Variants in PLXDC2 observed in about 807,000 individuals in gnomAD.
PLXDC2 encodes plexin domain containing 2.
PLXDC2 carries 40 observed loss-of-function variants against 68.9 expected under a neutral mutation model. That is an observed-to-expected ratio of 0.58 (90% confidence interval 0.45 to 0.76). PLXDC2 has a LOEUF of 0.76. Among genes scored for constraint, PLXDC2 ranks in the 30% least tolerant of loss-of-function variants. PLXDC2 has a pLI of 0.00. For synonymous variants in PLXDC2, 243 were observed against 234.2 expected (o/e 1.04, Z -0.34); for missense variants, 644 against 661.9 (o/e 0.97, Z 0.30).
At chr10:20,182,321 T>C (rs1430810629) in intron 9 of PLXDC2, among the ~76,000 whole-genome samples, 1 of 151,992 alleles carries the variant, frequency 6.6e-6, no homozygotes, top group Non-Finnish European at 1.5e-5. Context: ...TTCTGCCCAA[T>C]CTACACCTAT....
chr10:20,145,875 T>C (rs1834070668), intron 5 of PLXDC2, among the ~76,000 whole-genome samples: 1 of 152,122 alleles, frequency 6.6e-6, no homozygotes, highest in South Asian at 2.1e-4. Flanking sequence ...TTTAACAACC[T>C]GCTACTAACA....
In PLXDC2 at chr10:20,001,968, C is replaced by T. The variant is rs919687779; in HGVS notation, c.306C>T (p.Asp102=). The T allele has an allele frequency of 2.5e-6, 4 of 1,612,260 alleles. No homozygotes were observed. Among genetic ancestry groups the T allele is most frequent in the Non-Finnish European group, 3.4e-6 (4 of 1,179,852 alleles). ...ACCTGCTGCTGGATGATGGGCAGGA[C>T]AATAACACTCAGATCGAGGTAGATA... ...FTDLLLDDGQ[D]NNTQIEEDTD... is the part of the protein sequence containing the mutation. Residue 102 remains aspartate, a synonymous_variant, in exon 2 of 14, where the codon GAC becomes GAT. Transcript: ENST00000377252.
At chr10:19,936,182 A>T (rs567118472) in intron 1 of PLXDC2, among the ~76,000 whole-genome samples, 1 of 152,310 alleles carries the variant, frequency 6.6e-6, no homozygotes, top group African/African-American at 2.4e-5. Flanking sequence ...ACCCAGATTT[A>T]AGAAGCAGGA....
In PLXDC2 at chr10:20,288,626, A is replaced by G. The variant is rs984397807; in HGVS notation, c.*8807A>G. 3.9e-5 allele frequency: 6 copies of G among 152,102 alleles called. No individual in the cohort carries two copies. Among genetic ancestry groups the G allele is most frequent in the Non-Finnish European group, 7.3e-5 (5 of 68,030 alleles). The allele number at this position is 152,102 out of a possible 1,614,324, so 9.4% of individuals were successfully genotyped here. A position where few individuals can be genotyped will look rare whatever the true frequency, so the allele number is the denominator to read the frequency against. ...ATATTAATGACCTAAGTTTGAATGT[A>G]TTTCCTTACAGTCCATTAATTTGAC... On this transcript the variant is annotated 3_prime_UTR_variant, in exon 14 of 14. Coordinates refer to ENST00000377252, the MANE Select transcript of PLXDC2 (RefSeq NM_032812.9).
chr10:20,286,929 G>T lies in PLXDC2; in HGVS notation c.*7110G>T, dbSNP rs1836160544. On this transcript the variant is annotated 3_prime_UTR_variant, in exon 14 of 14. Transcript: ENST00000377252. The stretch of plus-strand genomic sequence containing the variant: ...AGTAGAGACGGGGTTTCTCCATGCT[G>T]GTCAGGCTGGTCCCCAGCTCCCGAC... 6.6e-6 allele frequency: 1 copy of T among 152,198 alleles called. No homozygotes were observed. The highest frequency in any genetic ancestry group is 1.5e-5 in the Non-Finnish European group (1 of 68,112). 9.4% of individuals were successfully genotyped at this position (152,198 alleles called of 1,614,324 possible).
At chr10:19,820,645 A>AG (rs983353868) in intron 1 of PLXDC2, among the ~76,000 whole-genome samples, 3 of 151,794 alleles carry the variant, frequency 2.0e-5, no homozygotes, top group Admixed American at 6.6e-5. Context: ...CGTCTCAAAA[A>AG]AAAAAAAAAA....
intron 4 of PLXDC2, among the ~76,000 whole-genome samples, chr10:20,094,901 T>C (rs1247964963): frequency 6.6e-6 from 1 of 152,194 alleles, no homozygotes; most frequent in African/African-American, 2.4e-5. Flanking sequence ...TCTTCATTGA[T>C]TCAAGAAACA....
chr10:20,055,256 C>T (rs1008178467), intron 3 of PLXDC2, among the ~76,000 whole-genome samples: 14 of 152,078 alleles, frequency 9.2e-5, no homozygotes, highest in African/African-American at 3.4e-4. Flanking sequence ...ATTAAGTTTT[C>T]TGGAGGGTTC....
chr10:19,964,244 G>A (rs1202667474), intron 1 of PLXDC2, among the ~76,000 whole-genome samples: 2 of 152,150 alleles, frequency 1.3e-5, no homozygotes, highest in African/African-American at 2.4e-5. Context: ...TTGATTCTGG[G>A]GAGCCGGCTC....
chr10:20,037,878 T>C (rs1330323580), intron 2 of PLXDC2, among the ~76,000 whole-genome samples: 3 of 152,204 alleles, frequency 2.0e-5, no homozygotes, highest in African/African-American at 7.2e-5. Flanking sequence ...TAATGTGTTG[T>C]ACAGTATTCT....
chr10:19,880,589 G>C (rs1837709584), intron 1 of PLXDC2, among the ~76,000 whole-genome samples: 1 of 152,150 alleles, frequency 6.6e-6, no homozygotes, highest in African/African-American at 2.4e-5. Flanking sequence ...CAAAACTCGA[G>C]ATAAAAGGGA....
chr10:20,087,866 T>C (rs1309231681), intron 4 of PLXDC2, among the ~76,000 whole-genome samples: 1 of 152,160 alleles, frequency 6.6e-6, no homozygotes, highest in Non-Finnish European at 1.5e-5. Flanking sequence ...CCCTACCACT[T>C]CCAACATATT....
At chr10:20,118,105 TACACACACACAC>T (rs60160833) in intron 4 of PLXDC2, among the ~76,000 whole-genome samples, 30 of 146,812 alleles carry the variant, frequency 2.0e-4, no homozygotes, top group Admixed American at 4.7e-4. Context: ...CATATATGCC[TACACACACACAC>T]ACACACACAC....
At chr10:20,010,821 A>G (rs1355936185) in intron 2 of PLXDC2, among the ~76,000 whole-genome samples, 1 of 152,172 alleles carries the variant, frequency 6.6e-6, no homozygotes, top group Non-Finnish European at 1.5e-5. Flanking sequence ...TATGATCATC[A>G]CATCCAGTTC....
At chr10:19,828,765 G>A (rs913414846) in intron 1 of PLXDC2, among the ~76,000 whole-genome samples, 2 of 152,096 alleles carry the variant, frequency 1.3e-5, no homozygotes, top group African/African-American at 4.8e-5. Context: ...ATAAGAAGCT[G>A]ATTTTTTTTT....
chr10:20,083,582 A>G (rs1250378751), intron 4 of PLXDC2, among the ~76,000 whole-genome samples: 1 of 152,056 alleles, frequency 6.6e-6, no homozygotes, highest in African/African-American at 2.4e-5. Flanking sequence ...TCTGCAGTGT[A>G]TGTATTTGTT....
intron 9 of PLXDC2, among the ~76,000 whole-genome samples, chr10:20,189,693 C>T (rs924553892): frequency 6.6e-6 from 1 of 150,856 alleles, no homozygotes; most frequent in African/African-American, 2.4e-5. Context: ...AAAGATAGTA[C>T]TTGACTTACT....
At chr10:20,173,615 G>C (rs542730081) in intron 7 of PLXDC2, among the ~76,000 whole-genome samples, 126 of 152,266 alleles carry the variant, frequency 8.3e-4, no homozygotes, top group African/African-American at 2.9e-3. Context: ...GTGTTAATCC[G>C]CTCAGATTTA....
At chr10:20,195,201 C>G (rs1261106510) in intron 9 of PLXDC2, among the ~76,000 whole-genome samples, 1 of 152,056 alleles carries the variant, frequency 6.6e-6, no homozygotes, top group Non-Finnish European at 1.5e-5. Context: ...CCGGGCCTCA[C>G]AGCCAAGTCT....
Sources: allele counts gnomAD v4.1 joint callset (sites outside exome capture counted in the v4.1 genomes callset), GRCh38; gene constraint gnomAD v4.1.1; transcripts MANE v1.5; gene names NCBI Gene and HGNC (gene_info 2026-07-23, HGNC 2026-07-21).